Variants in HEG1 observed in about 807,000 individuals in gnomAD.
The protein encoded by HEG1 is heart development protein with EGF like domains 1.
HEG1 carries 56 observed loss-of-function variants against 125.6 expected under a neutral mutation model. That is an observed-to-expected ratio of 0.45 (90% confidence interval 0.36 to 0.56). HEG1 has a LOEUF of 0.56. Ranked by LOEUF, HEG1 falls within the 20% of genes least tolerant of loss-of-function variation. HEG1 has a pLI of 0.00. For synonymous variants in HEG1, 644 were observed against 668.5 expected, an observed-to-expected ratio of 0.96 and a Z score of 0.57; for missense variants, 1,523 against 1,670.0, an observed-to-expected ratio of 0.91 and a Z score of 1.53.
intron 14 of HEG1, among the ~76,000 whole-genome samples, chr3:124,981,969 C>CTTGG (rs1266884506): frequency 6.6e-6 from 1 of 151,536 alleles, no homozygotes; most frequent in Non-Finnish European, 1.5e-5. Flanking sequence ...GTGGCACGAT[C>CTTGG]TTGGCTCACT....
At chr3:125,036,297 A>G (rs559425751) in intron 1 of HEG1, among the ~76,000 whole-genome samples, 3 of 151,960 alleles carry the variant, frequency 2.0e-5, no homozygotes, top group Admixed American at 6.5e-5. Context: ...ATAGAGAGAA[A>G]TCAGTGAATA....
chr3:124,987,841 T>C (rs1239273093), intron 14 of HEG1, among the ~76,000 whole-genome samples: 1 of 150,742 alleles, frequency 6.6e-6, no homozygotes, highest in Non-Finnish European at 1.5e-5. Flanking sequence ...TTTCTAACAA[T>C]ATCTTAGGAT....
At chr3:125,051,491 G>A (rs1213778707) in intron 1 of HEG1, among the ~76,000 whole-genome samples, 5 of 152,212 alleles carry the variant, frequency 3.3e-5, no homozygotes, top group East Asian at 1.9e-4. Flanking sequence ...TCCATTTACC[G>A]TGTGATCTAA....
intron 11 of HEG1, among the ~76,000 whole-genome samples, chr3:124,998,336 C>T (rs962931248): frequency 1.3e-5 from 2 of 152,222 alleles, no homozygotes; most frequent in Non-Finnish European, 2.9e-5. Context: ...TAGAACCACT[C>T]CCTGTGGCAA....
chr3:124,977,608 T>C (rs1308556489), intron 15 of HEG1, among the ~76,000 whole-genome samples: 2 of 152,350 alleles, frequency 1.3e-5, no homozygotes, highest in East Asian at 3.9e-4. Context: ...TTTATTTCTT[T>C]TTTCATTTCC....
Position 125,003,006 on chromosome 3 carries a change from C to T in HEG1, c.3298-691G>A, listed in dbSNP as rs534992430. 2.6e-5 allele frequency among the ~76,000 whole-genome samples: 4 copies of T among 152,302 alleles called. No homozygotes were observed. In the South Asian group the frequency reaches 6.2e-4, roughly 24 times the overall value. ...CAGTACTGGGCCCAGTGCAGATCCA[C>T]CTGTGTTCAAGGCCCATGTATCAGA... is the stretch of plus-strand genomic sequence containing the variant. On this transcript the variant is annotated intron_variant, in intron 9 of 16. Coordinates refer to ENST00000311127, the MANE Select transcript of HEG1 (RefSeq NM_020733.2).
chr3:125,002,425 A>AT, intron 9 of HEG1, 110 bp from the exon 10 acceptor site: 1 of 922,532 alleles, frequency 1.1e-6, no homozygotes, highest in Non-Finnish European at 1.7e-6. Context: ...CCATCAAGTT[A>AT]TCAGCACGCG....
chr3:125,013,925 T>C lies in HEG1; in HGVS notation c.1654A>G (p.Thr552Ala), dbSNP rs541814293. Residue 552 changes from threonine (T) to alanine (A), a missense_variant, in exon 6 of 17, where the codon ACA becomes GCA. By Grantham distance (58) the Thr-to-Ala change is moderately conservative. Coordinates refer to ENST00000311127, the MANE Select transcript of HEG1 (RefSeq NM_020733.2). ...AIEQRTSSDH[T>A]DHTYLSSTFT... is the part of the protein sequence containing the mutation. Reference sequence around the variant, plus strand: ...GTAGATGACAGGTAGGTGTGGTCTGTGTGGTCGCTGGAAGTCCTTTGTTCA... The same window carrying C: ...GTAGATGACAGGTAGGTGTGGTCTGCGTGGTCGCTGGAAGTCCTTTGTTCA... 1.9e-6 allele frequency: 3 copies of C among 1,613,100 alleles called. No homozygotes were observed. Among genetic ancestry groups the C allele is most frequent in the African/African-American group, 2.7e-5 (2 of 74,766 alleles).
At chr3:125,022,189 C>T (rs971628917) in intron 3 of HEG1, among the ~76,000 whole-genome samples, 4 of 152,024 alleles carry the variant, frequency 2.6e-5, no homozygotes, top group African/African-American at 7.2e-5. Flanking sequence ...GTGGGTAAGA[C>T]TAAAGTCACA....
At chr3:125,038,543 C>G (rs1352847348) in intron 1 of HEG1, among the ~76,000 whole-genome samples, 1 of 152,218 alleles carries the variant, frequency 6.6e-6, no homozygotes, top group African/African-American at 2.4e-5. Flanking sequence ...TGTGAACATC[C>G]AAGCGCTTTA....
intron 14 of HEG1, among the ~76,000 whole-genome samples, chr3:124,987,523 CTTTTTTTTTT>C (rs1204657705): frequency 1.5e-5 from 2 of 136,190 alleles, no homozygotes; most frequent in Admixed American, 7.4e-5. Context: ...TTCTTTTTTT[CTTTTTTTTTT>C]TTTTTTTGAG....
chr3:125,055,934 GAGGGC>G lies in HEG1; in HGVS notation c.-49_-45del, dbSNP rs1937932117. ...CGCTCACATGCCCGGCGCGCGGGGC[GAGGGC>G]AGCGGGCAGCGGGCAGCGGGCGGCG... is the stretch of plus-strand genomic sequence containing the variant. On this transcript the variant is annotated 5_prime_UTR_variant, in exon 1 of 17. Transcript: ENST00000311127. The G allele has an allele frequency of 2.2e-6, 2 of 912,136 alleles. No homozygotes were observed. Among genetic ancestry groups the G allele is most frequent in the Admixed American group, 1.6e-4 (2 of 12,764 alleles). 56.5% of individuals were successfully genotyped at this position (912,136 alleles called of 1,614,324 possible).
chr3:125,009,902 C>G (rs1252648045), intron 7 of HEG1, 78 bp from the exon 8 acceptor site: 2 of 1,449,350 alleles, frequency 1.4e-6, no homozygotes, highest in East Asian at 4.9e-5. Context: ...TAAGTACTTA[C>G]TAAGGGCCAA....
intron 1 of HEG1, among the ~76,000 whole-genome samples, chr3:125,039,596 T>A (rs1014217637): frequency 6.6e-6 from 1 of 152,070 alleles, no homozygotes; most frequent in African/African-American, 2.4e-5. Context: ...TTCACTAACA[T>A]CTATTTAGGG....
intron 1 of HEG1, among the ~76,000 whole-genome samples, chr3:125,038,960 C>A (rs1937570071): frequency 6.6e-6 from 1 of 152,198 alleles, no homozygotes; most frequent in South Asian, 2.1e-4. Flanking sequence ...GCACCTCACC[C>A]AGGCCAGCTT....
chr3:124,994,968 G>A (rs1936893811), intron 12 of HEG1, among the ~76,000 whole-genome samples: 1 of 152,232 alleles, frequency 6.6e-6, no homozygotes, highest in Non-Finnish European at 1.5e-5. Flanking sequence ...TCAAGGGAAT[G>A]GCAGTCGGAT....
At chr3:124,989,220 A>G (rs1370001625) in intron 14 of HEG1, among the ~76,000 whole-genome samples, 7 of 152,268 alleles carry the variant, frequency 4.6e-5, no homozygotes, top group Non-Finnish European at 1.5e-5. Context: ...CATTATTTTT[A>G]TTTTTTAGTT....
At chr3:124,976,335 C>T (rs755715478) in intron 15 of HEG1, among the ~76,000 whole-genome samples, 2 of 152,040 alleles carry the variant, frequency 1.3e-5, no homozygotes, top group Non-Finnish European at 2.9e-5. Context: ...TACAGGCATG[C>T]ACCACCACAC....
chr3:124,978,182 C>T (rs1201935397), intron 14 of HEG1, among the ~76,000 whole-genome samples: 1 of 152,214 alleles, frequency 6.6e-6, no homozygotes, highest in Non-Finnish European at 1.5e-5. Context: ...GAGTCTCACC[C>T]TGTCGCCCAG....
Sources: gnomAD v4.1 joint callset for allele counts (sites outside exome capture counted in the v4.1 genomes callset) on GRCh38, gnomAD v4.1.1 for gene constraint, MANE v1.5 for transcripts, NCBI Gene and HGNC (gene_info 2026-07-23, HGNC 2026-07-21) for gene names.